The following KCTD21 variants were observed in gnomAD, a reference collection of about 807,000 sequenced individuals.
KCTD21 encodes the protein BTB/POZ domain-containing protein KCTD21.
A neutral mutation model predicts 13.2 loss-of-function variants in KCTD21; 9 were observed. The ratio of observed to expected loss-of-function variants is 0.68; its 90% CI spans 0.41 to 1.19. KCTD21 has a LOEUF of 1.19. KCTD21 is among the 50% of genes most tolerant of loss of function. The pLI is 0.01. For missense variants in KCTD21, 303 were observed against 336.5 expected (o/e 0.90, Z 0.78); for synonymous variants, 142 against 137.4 (o/e 1.03, Z -0.23).
intron 1 of KCTD21, 63 bp downstream of exon 1, chr11:78,188,510 G>C (rs1394328678): frequency 1.0e-6 from 1 of 985,168 alleles, no homozygotes; most frequent in Non-Finnish European, 1.2e-6. Context: ...CAGGTGCTCA[G>C]TGGGCCCACG....
chr11:78,175,343 AG>A (rs1379817322), intron 1 of KCTD21: 4 of 151,482 alleles, frequency 2.6e-5, no homozygotes, highest in Admixed American at 2.6e-4. Context: ...AAAAAAAAAA[AG>A]GTTGTATCAT....
At position 78,172,399 on chromosome 11, in the gene KCTD21, A is replaced by G. The variant is rs1261221702; in HGVS notation, c.*1373T>C. ...CTTGGAGACCGTCTCTTTCCTCTGG[A>G]TCTCCTCAGGGGCCGTGAATCTTCC... On this transcript the variant is annotated 3_prime_UTR_variant, in exon 2 of 2. Transcript: ENST00000340067. 6.6e-6 allele frequency: 1 copy of G among 152,082 alleles called. No individual in the cohort carries two copies. The highest frequency in any genetic ancestry group is 1.5e-5 in the Non-Finnish European group (1 of 68,066). The allele number at this position is 152,082 out of a possible 1,614,324, so 9.4% of individuals were successfully genotyped here. A position where few individuals can be genotyped will look rare whatever the true frequency, so the allele number is the denominator to read the frequency against.
intron 1 of KCTD21, chr11:78,186,838 C>T: frequency 1.0e-6 from 1 of 985,434 alleles, no homozygotes; most frequent in Non-Finnish European, 1.2e-6. Flanking sequence ...TTTAGTCTAA[C>T]CCCTTACCAC....
At chr11:78,178,158 G>A (rs184857263) in intron 1 of KCTD21, among the ~76,000 whole-genome samples, 217 of 146,580 alleles carry the variant, frequency 1.5e-3, no homozygotes, top group African/African-American at 5.0e-3. Flanking sequence ...ATGGAGTCTC[G>A]CTCTGTCGCC....
intron 1 of KCTD21, chr11:78,187,933 C>G (rs1862842561): frequency 1.0e-6 from 1 of 985,162 alleles, no homozygotes; most frequent in East Asian, 1.1e-4. Context: ...ACATTCCTCA[C>G]CTGTCAACCG....
Position 78,174,177 on chromosome 11 carries a change from A to G in KCTD21, c.378T>C (p.Thr126=). The G allele has an allele frequency of 1.9e-6, 3 of 1,614,108 alleles. No homozygotes were observed. The highest frequency in any genetic ancestry group is 1.3e-5 in the African/African-American group (1 of 75,022). The change falls in exon 2 of 2, where the codon ACT becomes ACC. Residue 126 remains threonine, a synonymous_variant. Transcript: ENST00000340067. Reference sequence around the variant, plus strand: ...TGTAGATCTGGGGTGCCTCGCGCACAGTGAAGTGGACCGTCTGCACACGCT... The same window carrying G: ...TGTAGATCTGGGGTGCCTCGCGCACGGTGAAGTGGACCGTCTGCACACGCT... ...LNQRVQTVHF[T]VREAPQIYSL... is the part of the protein sequence containing the mutation.
At chr11:78,184,718 A>C (rs998407062) in intron 1 of KCTD21, among the ~76,000 whole-genome samples, 1 of 151,198 alleles carries the variant, frequency 6.6e-6, no homozygotes, top group Non-Finnish European at 1.5e-5. Flanking sequence ...GATTTTAAAA[A>C]CCAGAAACTA....
chr11:78,187,216 G>A lies in KCTD21; in HGVS notation c.-30+1357C>T, dbSNP rs139526950. 5 of 985,308 alleles carry A rather than the reference G, an allele frequency of 5.1e-6. No homozygotes were observed. In the African/African-American group the frequency reaches 8.7e-5, roughly 17 times the overall value. The allele number at this position is 985,308 out of a possible 1,614,324, so 61.0% of individuals were successfully genotyped here. A position where few individuals can be genotyped will look rare whatever the true frequency, so the allele number is the denominator to read the frequency against. ...GAGACTTCCCCACCTTACCCCACCGGAGAAAGGACTCTTTGCCTTGAAGCC... is the reference window on the plus strand; with the variant it reads ...GAGACTTCCCCACCTTACCCCACCGAAGAAAGGACTCTTTGCCTTGAAGCC... On this transcript the variant is annotated intron_variant, in intron 1 of 1. Transcript: ENST00000340067.
intron 1 of KCTD21, among the ~76,000 whole-genome samples, chr11:78,177,356 C>T (rs1048767899): frequency 2.1e-4 from 32 of 152,194 alleles, no homozygotes; most frequent in African/African-American, 5.6e-4. Context: ...AATACGAAAT[C>T]GTCAGTAGAA....
chr11:78,185,929 A>G (rs1862750942), intron 1 of KCTD21, among the ~76,000 whole-genome samples: 1 of 152,148 alleles, frequency 6.6e-6, no homozygotes, highest in Non-Finnish European at 1.5e-5. Flanking sequence ...TCTGCCTGGA[A>G]GAAGATGGCT....
intron 1 of KCTD21, among the ~76,000 whole-genome samples, chr11:78,181,670 C>G (rs1229524992): frequency 6.6e-6 from 1 of 152,056 alleles, no homozygotes; most frequent in African/African-American, 2.4e-5. Flanking sequence ...TTGTGGCCAG[C>G]TGTGGTGGTT....
Position 78,173,950 on chromosome 11 carries a change from T to C in KCTD21, c.605A>G (p.Lys202Arg), listed in dbSNP as rs1169584414. The C allele has an allele frequency of 4.3e-6, 7 of 1,613,738 alleles. No individual in the cohort carries two copies. The highest frequency in any genetic ancestry group is 5.9e-6 in the Non-Finnish European group (7 of 1,179,956). ...VEGLPEEEYT[K>R]QNLKRLWVVP... ...CACCCAGAGCCTCTTGAGGTTCTGC[T>C]TGGTGTACTCCTCCTCTGGCAGGCC... is the stretch of plus-strand genomic sequence containing the variant. The change falls in exon 2 of 2, where the codon AAG (lysine) becomes AGG (arginine). Residue 202 changes from lysine (K) to arginine (R), a missense_variant. Transcript: ENST00000340067.
chr11:78,181,600 T>C (rs1862622284), intron 1 of KCTD21, among the ~76,000 whole-genome samples: 1 of 152,172 alleles, frequency 6.6e-6, no homozygotes, highest in Non-Finnish European at 1.5e-5. Flanking sequence ...GTGGTGGTGG[T>C]CAAATGTGTT....
intron 1 of KCTD21, among the ~76,000 whole-genome samples, chr11:78,176,471 CAGG>C (rs373412706): frequency 3.5e-4 from 54 of 152,306 alleles, no homozygotes; most frequent in African/African-American, 1.3e-3. Flanking sequence ...TTCTAGAAAA[CAGG>C]AGATCTCAGC....
intron 1 of KCTD21, chr11:78,188,188 G>A (rs989490887): frequency 2.0e-6 from 2 of 984,928 alleles, no homozygotes; most frequent in Non-Finnish European, 2.4e-6. Flanking sequence ...TCATCGGCTT[G>A]TTCCGCACCC....
rs1456096737 is a variant in KCTD21 at position 78,188,574 on chromosome 11, T to C, written c.-31A>G. The C allele has an allele frequency of 1.0e-6, 1 of 985,344 alleles. No homozygotes were observed. The highest frequency in any genetic ancestry group is 1.2e-6 in the Non-Finnish European group (1 of 830,122). The allele number at this position is 985,344 out of a possible 1,614,324, so 61.0% of individuals were successfully genotyped here. A position where few individuals can be genotyped will look rare whatever the true frequency, so the allele number is the denominator to read the frequency against. On this transcript the variant is annotated splice_region_variant and 5_prime_UTR_variant, in exon 1 of 2. Transcript: ENST00000340067. ...CGACCCCGGCCGTGCCGCACCCACCTCCTGCCCTCGCTCTGCAGCCTCTCC... is the reference window on the plus strand; with the variant it reads ...CGACCCCGGCCGTGCCGCACCCACCCCCTGCCCTCGCTCTGCAGCCTCTCC...
rs1483424964 is a variant in KCTD21 at position 78,172,540 on chromosome 11, G to T, written c.*1232C>A. 6.6e-6 allele frequency: 1 copy of T among 152,190 alleles called. No individual in the cohort carries two copies. The highest frequency in any genetic ancestry group is 2.4e-5 in the African/African-American group (1 of 41,434). 9.4% of individuals were successfully genotyped at this position (152,190 alleles called of 1,614,324 possible). A position where few individuals can be genotyped will look rare whatever the true frequency, so the allele number is the denominator to read the frequency against. On this transcript the variant is annotated 3_prime_UTR_variant, in exon 2 of 2. Transcript: ENST00000340067. ...AACAAAAGGGGACTGACTTACAGGG[G>T]ATAGAAAAGAGCTAACTTTGATTCT...
In KCTD21 at chr11:78,173,067, C is replaced by A. The variant is rs1002080818; in HGVS notation, c.*705G>T. On this transcript the variant is annotated 3_prime_UTR_variant, in exon 2 of 2. Coordinates refer to ENST00000340067, the MANE Select transcript of KCTD21 (RefSeq NM_001029859.3). Reference sequence around the variant, plus strand: ...ATTACACTGGCTACAGATACTTGCACATTTTTGCAAAGATAGCAGACCCTT... The same window carrying A: ...ATTACACTGGCTACAGATACTTGCAAATTTTTGCAAAGATAGCAGACCCTT... 1 of 152,444 alleles carries A rather than the reference C, an allele frequency of 6.6e-6. No individual in the cohort carries two copies. The highest frequency in any genetic ancestry group is 1.5e-5 in the Non-Finnish European group (1 of 68,046). 9.4% of individuals were successfully genotyped at this position (152,444 alleles called of 1,614,324 possible).
At position 78,171,626 on chromosome 11, in the gene KCTD21, G is replaced by A. The variant is rs1455010411; in HGVS notation, c.*2146C>T. On this transcript the variant is annotated 3_prime_UTR_variant, in exon 2 of 2. Transcript: ENST00000340067. ...GCTCTCCCAAGTACCCTTGGCCTGG[G>A]ACAGCTGTCTTTTTTTGGGATGGAG... 6.6e-6 allele frequency: 1 copy of A among 152,222 alleles called. No homozygotes were observed. Among genetic ancestry groups the A allele is most frequent in the East Asian group, 1.9e-4 (1 of 5,192 alleles). The allele number at this position is 152,222 out of a possible 1,614,324, so 9.4% of individuals were successfully genotyped here. A position where few individuals can be genotyped will look rare whatever the true frequency, so the allele number is the denominator to read the frequency against.
Sources: allele counts gnomAD v4.1 joint callset (sites outside exome capture counted in the v4.1 genomes callset), GRCh38; gene constraint gnomAD v4.1.1; transcripts MANE v1.5; gene names NCBI Gene and HGNC (gene_info 2026-07-23, HGNC 2026-07-21).